Variants in TTLL5 observed in about 807,000 individuals in gnomAD.
TTLL5 encodes tubulin tyrosine ligase like 5.
Under a neutral mutation model 168.4 loss-of-function variants are expected in TTLL5, and 132 were observed. The observed-to-expected ratio is 0.78, with a 90% CI of 0.68 to 0.91. The LOEUF (loss-of-function observed/expected upper bound fraction) is 0.91, where lower values mean the gene tolerates loss of function less well. TTLL5 is among the 40% of genes least tolerant of loss of function. TTLL5 has a pLI of 0.00. For synonymous variants in TTLL5, 546 were observed against 558.6 expected (o/e 0.98, Z 0.32); for missense variants, 1,545 against 1,581.5 (o/e 0.98, Z 0.39).
Position 75,687,288 on chromosome 14 carries a change from T to TG in TTLL5, c.372-2903dup, listed in dbSNP as rs753423186. ...ATAAATTTGACCTTTTTGGTTTTTT[T>TG]GTGGGGGGACAGTTTCGCTCTGTCA... On this transcript the variant is annotated intron_variant, in intron 5 of 31. Coordinates refer to ENST00000298832, the MANE Select transcript of TTLL5 (RefSeq NM_015072.5). Among the ~76,000 whole-genome samples the TG allele has an allele frequency of 8.3e-4, 126 of 151,968 alleles. 3 individuals carry two copies. Among genetic ancestry groups the TG allele is most frequent in the Admixed American group, 6.4e-3 (98 of 15,244 alleles).
At chr14:75,733,076 G>C (rs1401157970) in intron 13 of TTLL5, among the ~76,000 whole-genome samples, 4 of 152,228 alleles carry the variant, frequency 2.6e-5, no homozygotes, top group African/African-American at 9.6e-5. Flanking sequence ...GAGTTTTTAA[G>C]GATGAGAGAT....
intron 15 of TTLL5, among the ~76,000 whole-genome samples, chr14:75,741,732 G>C (rs989694957): frequency 7.3e-5 from 11 of 151,716 alleles, no homozygotes; most frequent in African/African-American, 2.4e-4. Flanking sequence ...CCAACTAGAA[G>C]CACAGACCTG....
intron 31 of TTLL5, among the ~76,000 whole-genome samples, chr14:75,908,894 A>C (rs912098876): frequency 6.6e-6 from 1 of 152,048 alleles, no homozygotes; most frequent in Non-Finnish European, 1.5e-5. Context: ...CTCCCACCTC[A>C]GCCTCCTGAG....
At chr14:75,664,867 T>C (rs1231486404) in intron 2 of TTLL5, among the ~76,000 whole-genome samples, 1 of 152,232 alleles carries the variant, frequency 6.6e-6, no homozygotes, top group Non-Finnish European at 1.5e-5. Context: ...CTGTCTCTCT[T>C]ATTAGTGGGT....
chr14:75,938,121 G>A (rs1272903736), intron 31 of TTLL5, among the ~76,000 whole-genome samples: 9 of 152,198 alleles, frequency 5.9e-5, no homozygotes, highest in Admixed American at 5.9e-4. Context: ...TAATACTAGT[G>A]CCATTTATAA....
chr14:75,777,175 G>T (rs1367082311), intron 23 of TTLL5, among the ~76,000 whole-genome samples: 1 of 152,180 alleles, frequency 6.6e-6, no homozygotes. Flanking sequence ...TATTTTCATG[G>T]CTTCAGTTAT....
At chr14:75,812,473 A>G (rs2095328654) in intron 27 of TTLL5, among the ~76,000 whole-genome samples, 1 of 152,190 alleles carries the variant, frequency 6.6e-6, no homozygotes. Flanking sequence ...ATAGCAAGTA[A>G]TCTTGGAATT....
rs542257394 is a variant in TTLL5, at chr14:75,669,984, G to A, written c.181+462G>A. Among the ~76,000 whole-genome samples the A allele has an allele frequency of 2.6e-5, 4 of 152,250 alleles. No individual in the cohort carries two copies. The South Asian group carries it at 8.3e-4, about 32-fold the overall frequency. On this transcript the variant is annotated intron_variant, in intron 3 of 31. Coordinates refer to ENST00000298832, the MANE Select transcript of TTLL5 (RefSeq NM_015072.5). ...TTTTATAGATTCCCATATTCTGGAT[G>A]TTTTATATAAATGGAGTCATGTGAT...
intron 31 of TTLL5, among the ~76,000 whole-genome samples, chr14:75,931,379 C>G (rs371353095): frequency 6.6e-6 from 1 of 152,172 alleles, no homozygotes; most frequent in Non-Finnish European, 1.5e-5. Flanking sequence ...AGCTCCTCCC[C>G]TCAGTCCGCA....
At chr14:75,814,247 G>A (rs911526677) in intron 27 of TTLL5, among the ~76,000 whole-genome samples, 4 of 152,230 alleles carry the variant, frequency 2.6e-5, no homozygotes, top group East Asian at 1.9e-4. Flanking sequence ...GATTGATTTT[G>A]TGAGTGGTGC....
chr14:75,720,805 G>A, intron 12 of TTLL5, 102 bp downstream of exon 12: 2 of 898,120 alleles, frequency 2.2e-6, no homozygotes, highest in South Asian at 2.8e-5. Flanking sequence ...AGCAGTAAGA[G>A]GTATGTGATG....
intron 10 of TTLL5, among the ~76,000 whole-genome samples, chr14:75,719,500 C>G (rs1024710440): frequency 7.2e-5 from 11 of 152,136 alleles, no homozygotes; most frequent in Non-Finnish European, 1.5e-4. Context: ...AATTTGCCGC[C>G]TTCTTCCCCA....
intron 28 of TTLL5, among the ~76,000 whole-genome samples, chr14:75,836,591 G>A (rs2139827049): frequency 6.6e-6 from 1 of 152,240 alleles, no homozygotes; most frequent in East Asian, 1.9e-4. Context: ...TGCTTGGGGT[G>A]ATGGATAGAT....
intron 27 of TTLL5, among the ~76,000 whole-genome samples, chr14:75,807,286 A>G (rs1893714173): frequency 6.6e-6 from 1 of 152,146 alleles, no homozygotes; most frequent in South Asian, 2.1e-4. Context: ...CAACTCCACA[A>G]AAAAGACAAA....
In TTLL5 at chr14:75,663,158, C is replaced by G. The variant is rs755802095; in HGVS notation, c.9C>G (p.Ile3Met). The G allele has an allele frequency of 1.9e-6, 3 of 1,613,506 alleles. No individual in the cohort carries two copies. Among genetic ancestry groups the G allele is most frequent in the Non-Finnish European group, 2.5e-6 (3 of 1,179,916 alleles). MP[I>M]VMARDLEETA... Reference sequence around the variant, plus strand: ...GACAAACCCTAAAGGAAATGCCAATCGTGATGGCCCGGGACCTGGAGGAAA... The same window carrying G: ...GACAAACCCTAAAGGAAATGCCAATGGTGATGGCCCGGGACCTGGAGGAAA... Residue 3 changes from isoleucine to methionine, a missense_variant, in exon 2 of 32, where the codon ATC becomes ATG. Physicochemically the swap from Ile to Met is conservative, Grantham distance 10 (BLOSUM62 1). Transcript: ENST00000298832.
At chr14:75,690,597 A>G in intron 6 of TTLL5, among the ~76,000 whole-genome samples, 1 of 151,262 alleles carries the variant, frequency 6.6e-6, no homozygotes, top group East Asian at 1.9e-4. Context: ...CCTTCTCTCC[A>G]TTGATGACTT....
chr14:75,785,057 C>T (rs941698812), intron 26 of TTLL5, among the ~76,000 whole-genome samples: 3 of 151,880 alleles, frequency 2.0e-5, no homozygotes, highest in African/African-American at 7.3e-5. Flanking sequence ...TTTCTTGAAG[C>T]ACAAAAGTTT....
Position 75,783,544 on chromosome 14 carries a change from C to T in TTLL5, c.2986+14C>T, listed in dbSNP as rs200725959. On this transcript the variant is annotated intron_variant, in intron 26 of 31. Coordinates refer to ENST00000298832, the MANE Select transcript of TTLL5 (RefSeq NM_015072.5). ...CAGCAAAGGCAGGTGAGTGAGAGAA[C>T]GAAAGACAGTCCACAATGTGAGCTC... The T allele has an allele frequency of 1.1e-5, 17 of 1,608,256 alleles. No homozygotes were observed. The highest frequency in any genetic ancestry group is 1.7e-4 in the Middle Eastern group (1 of 5,904).
chr14:75,856,904 G>A (rs370363529), intron 28 of TTLL5, among the ~76,000 whole-genome samples: 74 of 152,254 alleles, frequency 4.9e-4, no homozygotes, highest in African/African-American at 1.6e-3. Context: ...GATTACAGGC[G>A]TGAGTCACCA....
Sources: allele counts gnomAD v4.1 joint callset (sites outside exome capture counted in the v4.1 genomes callset), GRCh38; gene constraint gnomAD v4.1.1; transcripts MANE v1.5; gene names NCBI Gene and HGNC (gene_info 2026-07-23, HGNC 2026-07-21).